The following KIF6 variants were observed in gnomAD, a reference collection of about 807,000 sequenced individuals.
KIF6 encodes kinesin-like protein KIF6.
In KIF6, 106 loss-of-function variants were observed where a neutral mutation model predicts 112.7. The observed-to-expected ratio is 0.94, with a 90% CI of 0.80 to 1.11. The LOEUF is 1.11. Ranked by LOEUF, KIF6 falls within the 50% of genes least tolerant of loss-of-function variation. The pLI is 0.00. For missense variants in KIF6, 929 were observed against 964.0 expected, an observed-to-expected ratio of 0.96 and a Z score of 0.48; for synonymous variants, 339 against 339.9, an observed-to-expected ratio of 1.00 and a Z score of 0.03.
chr6:39,692,071 C>A (rs369222455), intron 3 of KIF6, among the ~76,000 whole-genome samples: 1 of 152,276 alleles, frequency 6.6e-6, no homozygotes, highest in East Asian at 1.9e-4. Context: ...TTCACCTGAA[C>A]GTGGGAGGCG....
chr6:39,416,527 AT>A (rs1221130917), intron 15 of KIF6, among the ~76,000 whole-genome samples: 1 of 152,148 alleles, frequency 6.6e-6, no homozygotes, highest in Admixed American at 6.5e-5. Context: ...CCCATTTCTT[AT>A]TTCAACTTAT....
At chr6:39,413,035 C>A (rs1339246587) in intron 15 of KIF6, among the ~76,000 whole-genome samples, 1 of 151,970 alleles carries the variant, frequency 6.6e-6, no homozygotes, top group Admixed American at 6.5e-5. Context: ...ATTTAGCATG[C>A]CATTTTTATC....
chr6:39,713,070 G>T (rs1008862392), intron 3 of KIF6, among the ~76,000 whole-genome samples: 1 of 152,154 alleles, frequency 6.6e-6, no homozygotes, highest in African/African-American at 2.4e-5. Flanking sequence ...TGAGAAAGCC[G>T]CTATGAGCAA....
chr6:39,581,635 A>C (rs1781301922), intron 9 of KIF6, among the ~76,000 whole-genome samples: 1 of 152,068 alleles, frequency 6.6e-6, no homozygotes, highest in South Asian at 2.1e-4. Flanking sequence ...AGCTGCCCTG[A>C]CATCTCCATA....
chr6:39,509,084 C>A (rs1218387575), intron 13 of KIF6, among the ~76,000 whole-genome samples: 1 of 152,160 alleles, frequency 6.6e-6, no homozygotes, highest in Non-Finnish European at 1.5e-5. Flanking sequence ...GATACCCAGG[C>A]AAGCAGGGTC....
rs556657758 is a variant in KIF6 at position 39,481,120 on chromosome 6, C to T, written c.1646-49959G>A. On this transcript the variant is annotated intron_variant, in intron 13 of 22. Transcript: ENST00000287152. ...GAGAAAACCAAGGTCCAGAGAAGCACGTATAGCATGCTATCTTTTTTTAAA... is the reference window on the plus strand; with the variant it reads ...GAGAAAACCAAGGTCCAGAGAAGCATGTATAGCATGCTATCTTTTTTTAAA... 3.9e-5 allele frequency among the ~76,000 whole-genome samples: 6 copies of T among 152,070 alleles called. No homozygotes were observed. In the South Asian group the frequency reaches 8.3e-4, roughly 21 times the overall value.
chr6:39,658,535 AT>A (rs1299528599), intron 3 of KIF6, among the ~76,000 whole-genome samples: 1 of 152,156 alleles, frequency 6.6e-6, no homozygotes, highest in Non-Finnish European at 1.5e-5. Flanking sequence ...TTATTATTTT[AT>A]TTTCCCTCCA....
At position 39,586,422 on chromosome 6, in the gene KIF6, G is replaced by T. The variant is rs763713669; in HGVS notation, c.847-18C>A. ...ATGATAACCTGTGGTAAAGTAGAAAGATAATGGGATTAATTTAGCAAGAAA... is the reference window on the plus strand; with the variant it reads ...ATGATAACCTGTGGTAAAGTAGAAATATAATGGGATTAATTTAGCAAGAAA... On this transcript the variant is annotated intron_variant, in intron 7 of 22. Coordinates refer to ENST00000287152, the MANE Select transcript of KIF6 (RefSeq NM_145027.6). 6.2e-7 allele frequency: 1 copy of T among 1,608,656 alleles called. No homozygotes were observed. The highest frequency in any genetic ancestry group is 8.5e-7 in the Non-Finnish European group (1 of 1,175,872).
At chr6:39,498,856 C>A (rs1775946492) in intron 13 of KIF6, among the ~76,000 whole-genome samples, 1 of 152,162 alleles carries the variant, frequency 6.6e-6, no homozygotes, top group Non-Finnish European at 1.5e-5. Flanking sequence ...TGAAAGTGAA[C>A]CCCCCTTTGT....
At chr6:39,578,276 G>T (rs1781086214) in intron 9 of KIF6, 117 bp from the exon 10 acceptor site, 14 of 650,252 alleles carry the variant, frequency 2.2e-5, no homozygotes, top group South Asian at 6.0e-5. Context: ...AATGGGTAAT[G>T]GTATAAAAAG....
intron 3 of KIF6, among the ~76,000 whole-genome samples, chr6:39,677,079 A>G (rs1787186959): frequency 6.6e-6 from 1 of 152,120 alleles, no homozygotes; most frequent in South Asian, 2.1e-4. Context: ...TGATCATATC[A>G]ATATGCTTGA....
At chr6:39,700,404 T>C (rs898526312) in intron 3 of KIF6, among the ~76,000 whole-genome samples, 11 of 152,256 alleles carry the variant, frequency 7.2e-5, no homozygotes, top group African/African-American at 2.7e-4. Flanking sequence ...TTCAAGCTGA[T>C]GATCCTTGCA....
At chr6:39,492,798 C>A (rs1173983321) in intron 13 of KIF6, among the ~76,000 whole-genome samples, 1 of 152,228 alleles carries the variant, frequency 6.6e-6, no homozygotes, top group East Asian at 1.9e-4. Flanking sequence ...ACCCAAGGAA[C>A]AACACCTGGA....
At chr6:39,697,339 T>C (rs1446781893) in intron 3 of KIF6, among the ~76,000 whole-genome samples, 1 of 152,144 alleles carries the variant, frequency 6.6e-6, no homozygotes, top group African/African-American at 2.4e-5. Context: ...AAGGACAATG[T>C]CCTGTCTTAA....
intron 16 of KIF6, among the ~76,000 whole-genome samples, chr6:39,366,550 G>A (rs1215051904): frequency 2.0e-5 from 3 of 152,172 alleles, no homozygotes; most frequent in Non-Finnish European, 4.4e-5. Flanking sequence ...GTGGAAGACT[G>A]CCATGCTAGG....
At chr6:39,460,896 G>C (rs573077785) in intron 13 of KIF6, among the ~76,000 whole-genome samples, 5 of 152,256 alleles carry the variant, frequency 3.3e-5, no homozygotes, top group African/African-American at 9.6e-5. Context: ...CCTTGGCTTA[G>C]AATACCCTTT....
At position 39,544,699 on chromosome 6, in the gene KIF6, A is replaced by G. The variant is rs1381267291; in HGVS notation, c.1288-6T>C. 3.8e-6 allele frequency: 6 copies of G among 1,560,410 alleles called. No homozygotes were observed. The highest frequency in any genetic ancestry group is 5.2e-6 in the Non-Finnish European group (6 of 1,149,270). On this transcript the variant is annotated splice_polypyrimidine_tract_variant and splice_region_variant and intron_variant, in intron 11 of 22. Transcript: ENST00000287152. Reference sequence around the variant, plus strand: ...TTCTTGTCATTCAATAGTTTCTGTAAGATAAAATAAGAGCTTAGTACCCAT... The same window carrying G: ...TTCTTGTCATTCAATAGTTTCTGTAGGATAAAATAAGAGCTTAGTACCCAT...
intron 3 of KIF6, among the ~76,000 whole-genome samples, chr6:39,677,683 T>TC (rs973173680): frequency 1.2e-5 from 1 of 82,474 alleles, no homozygotes; most frequent in Non-Finnish European, 2.3e-5. Flanking sequence ...CCCTCCCCCC[T>TC]CCCCCGACCC....
At chr6:39,601,744 ACATTAGT>A in intron 6 of KIF6, among the ~76,000 whole-genome samples, 1 of 146,402 alleles carries the variant, frequency 6.8e-6, no homozygotes, top group African/African-American at 2.6e-5. Flanking sequence ...ACACACACAC[ACATTAGT>A]TTATTTCATG....
Sources: allele counts gnomAD v4.1 joint callset (sites outside exome capture counted in the v4.1 genomes callset), GRCh38; gene constraint gnomAD v4.1.1; transcripts MANE v1.5; gene names NCBI Gene and HGNC (gene_info 2026-07-23, HGNC 2026-07-21).